Variants in LEPR observed in about 807,000 individuals in gnomAD.
LEPR encodes leptin receptor.
In LEPR, 56 loss-of-function variants were observed where a neutral mutation model predicts 114.7. The observed-to-expected ratio is 0.49, with a 90% CI of 0.39 to 0.61. The LOEUF is 0.61. Among genes scored for constraint, LEPR ranks in the 20% least tolerant of loss-of-function variants. The pLI, the probability that LEPR is intolerant of heterozygous loss-of-function variation, is 0.00. For missense variants in LEPR, 1,202 were observed against 1,352.9 expected (o/e 0.89, Z 1.75); for synonymous variants, 443 against 461.4 (o/e 0.96, Z 0.51).
chr1:65,595,126 A>G (rs1655971839), intron 6 of LEPR, among the ~76,000 whole-genome samples: 1 of 151,586 alleles, frequency 6.6e-6, no homozygotes, highest in South Asian at 2.1e-4. Context: ...GGAGACCTCC[A>G]TGTAAGCTGT....
intron 2 of LEPR, among the ~76,000 whole-genome samples, chr1:65,499,415 G>A (rs1648328237): frequency 6.6e-6 from 1 of 152,100 alleles, no homozygotes; most frequent in Non-Finnish European, 1.5e-5. Context: ...AACATGAGCT[G>A]TAGGTTGGGT....
At chr1:65,603,845 T>C (rs1656626148) in intron 10 of LEPR, among the ~76,000 whole-genome samples, 1 of 152,092 alleles carries the variant, frequency 6.6e-6, no homozygotes, top group Admixed American at 6.5e-5. Context: ...TGGCTAGGAC[T>C]CACTTATAAA....
chr1:65,503,307 G>A (rs769578536), intron 2 of LEPR, among the ~76,000 whole-genome samples: 4 of 152,054 alleles, frequency 2.6e-5, no homozygotes, highest in African/African-American at 9.7e-5. Context: ...TATGAAAATT[G>A]TAAAAAAAAT....
intron 2 of LEPR, among the ~76,000 whole-genome samples, chr1:65,531,873 T>TTAC (rs1570624616): frequency 6.8e-6 from 1 of 146,896 alleles, no homozygotes; most frequent in East Asian, 1.9e-4. Context: ...TGTGCTAGTA[T>TTAC]ACGAAGTTTC....
At chr1:65,593,386 G>T (rs1379451044) in intron 6 of LEPR, among the ~76,000 whole-genome samples, 1 of 151,972 alleles carries the variant, frequency 6.6e-6, no homozygotes, top group Non-Finnish European at 1.5e-5. Context: ...TCAAATAATA[G>T]ACAACACTCT....
In LEPR at chr1:65,633,649, C is replaced by T; in HGVS notation, c.2674-2542C>T. 1.0e-6 allele frequency: 1 copy of T among 985,200 alleles called. No individual in the cohort carries two copies. The highest frequency in any genetic ancestry group is 1.2e-6 in the Non-Finnish European group (1 of 829,652). The allele number at this position is 985,200 out of a possible 1,614,324, so 61.0% of individuals were successfully genotyped here. ...AAATATTTAGTTTGTATTTTTATGT[C>T]CAAACTTTTCCATTTTAGATTCCTT... On this transcript the variant is annotated intron_variant, in intron 19 of 19. Coordinates refer to ENST00000349533, the MANE Select transcript of LEPR (RefSeq NM_002303.6). This position sits in a 1 kb window ranked among gnomAD's most constrained non-coding sequence, Gnocchi z 4.1.
intron 12 of LEPR, 123 bp downstream of exon 12, chr1:65,609,024 T>G: frequency 1.6e-6 from 2 of 1,273,322 alleles, no homozygotes; most frequent in Non-Finnish European, 2.2e-6. Context: ...TGTGTAGCTA[T>G]TTTCATTAAA....
rs367715843 is a variant in LEPR at position 65,454,341 on chromosome 1, C to A, written c.-21+28963C>A. 2.0e-5 allele frequency among the ~76,000 whole-genome samples: 3 copies of A among 151,714 alleles called. No individual in the cohort carries two copies. The East Asian group carries it at 5.8e-4, about 29-fold the overall frequency. Reference sequence around the variant, plus strand: ...CCTGTCATTATGATGTTAGCTGGTTCTTTTGCTCGTTAGTTCATGCAGTTT... The same window carrying A: ...CCTGTCATTATGATGTTAGCTGGTTATTTTGCTCGTTAGTTCATGCAGTTT... On this transcript the variant is annotated intron_variant, in intron 2 of 19. Transcript: ENST00000349533.
chr1:65,626,219 T>C, intron 19 of LEPR: 6 of 1,583,542 alleles, frequency 3.8e-6, no homozygotes, highest in Non-Finnish European at 5.2e-6. Flanking sequence ...CTGCTCTCCC[T>C]GAGGTGTGCA....
At chr1:65,438,053 T>C (rs567306059) in intron 2 of LEPR, among the ~76,000 whole-genome samples, 1 of 150,318 alleles carries the variant, frequency 6.7e-6, no homozygotes, top group Admixed American at 6.7e-5. Flanking sequence ...GCAATCTTCT[T>C]GCCTGTCTCA....
chr1:65,456,347 G>A (rs1378246395), intron 2 of LEPR, among the ~76,000 whole-genome samples: 5 of 152,066 alleles, frequency 3.3e-5, no homozygotes, highest in Non-Finnish European at 7.3e-5. Flanking sequence ...TGATGGTGTT[G>A]TTGAGTTCAA....
intron 2 of LEPR, chr1:65,525,797 C>G (rs1649908976): frequency 1.6e-5 from 16 of 985,980 alleles, no homozygotes; most frequent in Non-Finnish European, 1.9e-5. Context: ...TGCCTTCGGT[C>G]GAGTTGGACC....
chr1:65,573,239 T>C (rs1363449076), intron 5 of LEPR, among the ~76,000 whole-genome samples: 3 of 152,324 alleles, frequency 2.0e-5, no homozygotes, highest in South Asian at 4.1e-4. Context: ...CGCTGAGTCA[T>C]GCAGGCCTGG....
chr1:65,433,552 A>C (rs898052436), intron 2 of LEPR: 3 of 985,310 alleles, frequency 3.0e-6, no homozygotes, highest in African/African-American at 1.7e-5. Context: ...TTGTGATCTG[A>C]GTAATTAGCA....
chr1:65,507,519 A>G (rs1242408538), intron 2 of LEPR, among the ~76,000 whole-genome samples: 35 of 120,090 alleles, frequency 2.9e-4, no homozygotes, highest in Admixed American at 6.5e-4. Context: ...ATACATATAT[A>G]TGTGTATATA....
Position 65,567,950 on chromosome 1 carries a change from T to C in LEPR, c.40+2345T>C, listed in dbSNP as rs1653891651. Among the ~76,000 whole-genome samples the C allele has an allele frequency of 2.0e-5, 3 of 151,986 alleles. No homozygotes were observed. In the South Asian group the frequency reaches 6.2e-4, roughly 31 times the overall value. On this transcript the variant is annotated intron_variant, in intron 3 of 19. Transcript: ENST00000349533. ...GTCCATAGTTTACATTATGGTTCACTCTTGGTGTTGTATATTGTATGAATG... is the reference window on the plus strand; with the variant it reads ...GTCCATAGTTTACATTATGGTTCACCCTTGGTGTTGTATATTGTATGAATG...
intron 2 of LEPR, among the ~76,000 whole-genome samples, chr1:65,530,858 C>T (rs547426995): frequency 6.9e-4 from 105 of 152,254 alleles, no homozygotes; most frequent in African/African-American, 2.4e-3. Flanking sequence ...CTGGTTCAGA[C>T]GCCTCTGACA....
At chr1:65,555,072 C>T (rs1652719233) in intron 2 of LEPR, among the ~76,000 whole-genome samples, 2 of 152,206 alleles carry the variant, frequency 1.3e-5, no homozygotes, top group South Asian at 4.1e-4. Flanking sequence ...ATGAGATGAG[C>T]CGGGTACCTC....
intron 2 of LEPR, among the ~76,000 whole-genome samples, chr1:65,448,783 C>G (rs536598584): frequency 6.6e-6 from 1 of 152,276 alleles, no homozygotes; most frequent in African/African-American, 2.4e-5. Flanking sequence ...TCCATTTCAT[C>G]TAGGTTATCA....
Sources: allele counts gnomAD v4.1 joint callset (sites outside exome capture counted in the v4.1 genomes callset), GRCh38; gene constraint gnomAD v4.1.1; non-coding constraint Gnocchi (gnomAD v3.1); transcripts MANE v1.5; gene names NCBI Gene and HGNC (gene_info 2026-07-23, HGNC 2026-07-21).